Variants in PLB1 observed in about 807,000 individuals in gnomAD.
PLB1 encodes the protein phospholipase B1, also known as phospholipase B1, membrane-associated.
In PLB1, 242 loss-of-function variants were observed where a neutral mutation model predicts 227.4. That is an observed-to-expected ratio of 1.06 (90% CI 0.96 to 1.18). The LOEUF (loss-of-function observed/expected upper bound fraction) is 1.18. PLB1 is among the 50% of genes most tolerant of loss of function. The pLI is 0.00. For missense variants in PLB1, 1,858 were observed against 1,816.3 expected (o/e 1.02, Z -0.42); for synonymous variants, 757 against 682.2 (o/e 1.11, Z -1.71).
chr2:28,550,602 G>T (rs1231786308), intron 16 of PLB1, among the ~76,000 whole-genome samples: 2 of 149,250 alleles, frequency 1.3e-5, no homozygotes, highest in Non-Finnish European at 3.0e-5. Flanking sequence ...GTGCAATGGT[G>T]TGATCTCAGC....
chr2:28,611,626 T>C (rs1332435264), intron 43 of PLB1, among the ~76,000 whole-genome samples: 2 of 152,142 alleles, frequency 1.3e-5, no homozygotes, highest in Non-Finnish European at 2.9e-5. Flanking sequence ...CTAGAAATGC[T>C]CTCTAACGCT....
At chr2:28,543,416 G>C (rs1672782590) in intron 14 of PLB1, 148 bp downstream of exon 14, 3 of 825,404 alleles carry the variant, frequency 3.6e-6, no homozygotes, top group Non-Finnish European at 5.5e-6. Context: ...CTGTCTCCCG[G>C]TGACGCCCCT....
intron 16 of PLB1, 138 bp downstream of exon 16, chr2:28,550,222 G>C (rs1674011466): frequency 1.7e-6 from 1 of 599,624 alleles, no homozygotes; most frequent in African/African-American, 1.9e-5. Flanking sequence ...GCCCAGGCTG[G>C]AGTTCAGTGG....
intron 40 of PLB1, among the ~76,000 whole-genome samples, 175 bp from the exon 41 acceptor site, chr2:28,604,480 T>A (rs762587099): frequency 6.6e-5 from 10 of 152,342 alleles, no homozygotes; most frequent in Non-Finnish European, 1.2e-4. Context: ...TGACCCAACC[T>A]GTTTCCAAAT....
intron 33 of PLB1, among the ~76,000 whole-genome samples, chr2:28,597,122 G>C (rs568622763): frequency 6.6e-6 from 1 of 152,022 alleles, no homozygotes; most frequent in East Asian, 1.9e-4. Context: ...AAATTAGCTG[G>C]GCATGGTGGC....
chr2:28,544,762 C>G (rs72788077), intron 14 of PLB1, among the ~76,000 whole-genome samples: 1 of 152,114 alleles, frequency 6.6e-6, no homozygotes, highest in Non-Finnish European at 1.5e-5. Context: ...CGTTCCCAGG[C>G]AAAGGGACCT....
intron 1 of PLB1, among the ~76,000 whole-genome samples, chr2:28,516,017 T>C (rs1668806200): frequency 6.6e-6 from 1 of 152,190 alleles, no homozygotes; most frequent in Non-Finnish European, 1.5e-5. Context: ...ACAAAATCAC[T>C]TTTGATTGTA....
intron 17 of PLB1, among the ~76,000 whole-genome samples, chr2:28,557,338 G>A (rs1187772759): frequency 6.6e-6 from 1 of 152,226 alleles, no homozygotes; most frequent in African/African-American, 2.4e-5. Flanking sequence ...AGACTCCAAA[G>A]GCAAAACATC....
chr2:28,545,708 G>A (rs1165092951), intron 14 of PLB1, among the ~76,000 whole-genome samples: 4 of 152,178 alleles, frequency 2.6e-5, no homozygotes, highest in Non-Finnish European at 5.9e-5. Flanking sequence ...GTGCGGGGAG[G>A]GCGGGAGTCT....
At position 28,540,351 on chromosome 2, in the gene PLB1, T is replaced by C; in HGVS notation, c.699-15T>C. 6.2e-7 allele frequency: 1 copy of C among 1,612,244 alleles called. No homozygotes were observed. On this transcript the variant is annotated splice_polypyrimidine_tract_variant and intron_variant, in intron 11 of 57. Coordinates refer to ENST00000327757, the MANE Select transcript of PLB1 (RefSeq NM_153021.5). ...TGCCTCCCCTCTCTCATTCCTGGTG[T>C]GTTTTAACCTGCAGCCCTGCACCAG... is the stretch of plus-strand genomic sequence containing the variant.
chr2:28,632,135 A>T lies in PLB1; in HGVS notation c.3997A>T (p.Asn1333Tyr). Reference protein sequence around the residue: ...PFFQNTLTPLNERGDTDLTFF... With the variant: ...PFFQNTLTPLYERGDTDLTFF... ...CTTCCAAAACACACTCACCCCACTGAACGAGGTGAGCTGCAGGTATTTTAG... is the reference window on the plus strand; with the variant it reads ...CTTCCAAAACACACTCACCCCACTGTACGAGGTGAGCTGCAGGTATTTTAG... The change falls in exon 55 of 58, where the codon AAC becomes TAC. Residue 1333 changes from asparagine (N) to tyrosine (Y), a missense_variant. Physicochemically the swap from Asn to Tyr is moderately radical, Grantham distance 143. Transcript: ENST00000327757. The T allele has an allele frequency of 6.2e-7, 1 of 1,612,804 alleles. No homozygotes were observed. Among genetic ancestry groups the T allele is most frequent in the East Asian group, 2.2e-5 (1 of 44,872 alleles).
At chr2:28,620,699 G>T in intron 48 of PLB1, 56 bp downstream of exon 48, 1 of 1,607,506 alleles carries the variant, frequency 6.2e-7, no homozygotes, top group South Asian at 1.1e-5. Context: ...TGGGGCCAGG[G>T]CCTTCCTGCT....
At chr2:28,520,885 G>A (rs567992485) in intron 4 of PLB1, among the ~76,000 whole-genome samples, 1 of 152,294 alleles carries the variant, frequency 6.6e-6, no homozygotes, top group Admixed American at 6.5e-5. Flanking sequence ...TGAGGCAGGA[G>A]AATCGCTTGA....
intron 18 of PLB1, 81 bp downstream of exon 18, chr2:28,563,180 GA>G: frequency 7.1e-7 from 1 of 1,414,720 alleles, no homozygotes; most frequent in Non-Finnish European, 1.0e-6. Flanking sequence ...AATGGAGAGA[GA>G]AGGTCTCACG....
intron 46 of PLB1, 45 bp downstream of exon 46, chr2:28,618,444 C>A (rs1163861467): frequency 3.8e-6 from 6 of 1,577,412 alleles, no homozygotes; most frequent in Non-Finnish European, 5.2e-6. Flanking sequence ...CAGAGTCCAG[C>A]CAGGCCCTGC....
chr2:28,499,276 C>T (rs903082206), intron 1 of PLB1, among the ~76,000 whole-genome samples: 4 of 151,946 alleles, frequency 2.6e-5, no homozygotes, highest in Admixed American at 2.6e-4. Flanking sequence ...ATGCTCCCAC[C>T]AGAAGAGCTA....
At position 28,529,323 on chromosome 2, in the gene PLB1, C is replaced by T. The variant is rs1670695904; in HGVS notation, c.332C>T (p.Ser111Leu). 1 of 1,607,730 alleles carries T rather than the reference C, an allele frequency of 6.2e-7. No individual in the cohort carries two copies. The highest frequency in any genetic ancestry group is 8.5e-7 in the Non-Finnish European group (1 of 1,174,270). The part of the protein sequence containing the change: ...QVCMGVMTVL[S>L]DIIRYFSPSV... ...AAACCAGTTCTCTCTTTAGTCCTTT[C>T]AGACATCATCAGATATTTCAGTCCT... The change falls in exon 7 of 58, where the codon TCA becomes TTA. Residue 111 changes from serine (S) to leucine (L), a missense_variant. Coordinates refer to ENST00000327757, the MANE Select transcript of PLB1 (RefSeq NM_153021.5).
intron 1 of PLB1, among the ~76,000 whole-genome samples, chr2:28,507,480 C>A (rs1332224163): frequency 6.6e-6 from 1 of 152,136 alleles, no homozygotes; most frequent in Non-Finnish European, 1.5e-5. Flanking sequence ...ACCACTCCCA[C>A]AATAATGACA....
chr2:28,636,845 G>A (rs377213078), intron 56 of PLB1, among the ~76,000 whole-genome samples: 1 of 152,120 alleles, frequency 6.6e-6, no homozygotes, highest in Non-Finnish European at 1.5e-5. Flanking sequence ...GACTCACTGG[G>A]GGATGAATAG....
Sources: gnomAD v4.1 joint callset for allele counts (sites outside exome capture counted in the v4.1 genomes callset) on GRCh38, gnomAD v4.1.1 for gene constraint, MANE v1.5 for transcripts, NCBI Gene and HGNC (gene_info 2026-07-23, HGNC 2026-07-21) for gene names.